Variants in PHTF2 observed in about 807,000 individuals in gnomAD.
PHTF2 encodes the protein protein PHTF2.
PHTF2 carries 60 observed loss-of-function variants against 101.2 expected under a neutral mutation model. The observed-to-expected ratio is 0.59, with a 90% CI of 0.48 to 0.73. The LOEUF is 0.73. Ranked by LOEUF, PHTF2 falls within the 30% of genes least tolerant of loss-of-function variation. The probability of loss-of-function intolerance (pLI) is 0.00; values close to 1 mark genes in which losing one functional copy is unlikely to be tolerated. For synonymous variants in PHTF2, 311 were observed against 307.3 expected (o/e 1.01, Z -0.13); for missense variants, 747 against 908.7 (o/e 0.82, Z 2.29).
chr7:77,908,445 A>T (rs989906527), intron 7 of PHTF2, among the ~76,000 whole-genome samples: 1 of 152,168 alleles, frequency 6.6e-6, no homozygotes, highest in Non-Finnish European at 1.5e-5. Context: ...TTATTTGTAA[A>T]ACAAAGAAAT....
intron 11 of PHTF2, 73 bp downstream of exon 10, chr7:77,922,851 A>C: frequency 7.8e-7 from 1 of 1,286,560 alleles, no homozygotes; most frequent in Non-Finnish European, 1.1e-6. Flanking sequence ...TTCTTTCAAC[A>C]ATTAAAAATT....
At chr7:77,812,852 G>A (rs763068815) in intron 1 of PHTF2, among the ~76,000 whole-genome samples, 4 of 152,146 alleles carry the variant, frequency 2.6e-5, no homozygotes, top group Non-Finnish European at 4.4e-5. Context: ...GCCTCCCAAA[G>A]TGCTGGGATT....
At chr7:77,933,665 A>G (rs1049823359) in intron 12 of PHTF2, among the ~76,000 whole-genome samples, 2 of 147,934 alleles carry the variant, frequency 1.4e-5, no homozygotes, top group South Asian at 2.1e-4. Context: ...CCTGTGAGCT[A>G]TTTTCCCAGA....
At chr7:77,830,248 A>G (rs1418760093) in intron 1 of PHTF2, among the ~76,000 whole-genome samples, 2 of 152,216 alleles carry the variant, frequency 1.3e-5, no homozygotes, top group Non-Finnish European at 2.9e-5. Context: ...CAAGATCCCC[A>G]ATGGAAACCT....
chr7:77,811,674 T>C (rs1384318916), intron 1 of PHTF2, among the ~76,000 whole-genome samples: 2 of 152,352 alleles, frequency 1.3e-5, no homozygotes, highest in East Asian at 3.9e-4. Context: ...AGCATTTTCT[T>C]ACTTTCTGAT....
intron 3 of PHTF2, among the ~76,000 whole-genome samples, chr7:77,856,250 T>C (rs1008935789): frequency 2.0e-5 from 3 of 152,180 alleles, no homozygotes; most frequent in African/African-American, 7.2e-5. Flanking sequence ...GGTTTATAAA[T>C]TGTCAATAAA....
intron 1 of PHTF2, among the ~76,000 whole-genome samples, chr7:77,820,668 G>A (rs1794214243): frequency 6.6e-6 from 1 of 152,162 alleles, no homozygotes; most frequent in Non-Finnish European, 1.5e-5. Flanking sequence ...ATGAGCCACT[G>A]CACTCATCCC....
chr7:77,885,743 C>T (rs1056700820), intron 3 of PHTF2, among the ~76,000 whole-genome samples: 1 of 152,140 alleles, frequency 6.6e-6, no homozygotes. Context: ...CTGTGCCTAG[C>T]CTTATTGTTA....
At chr7:77,947,436 G>T (rs1584792388) in intron 16 of PHTF2, among the ~76,000 whole-genome samples, 1 of 152,088 alleles carries the variant, frequency 6.6e-6, no homozygotes, top group East Asian at 1.9e-4. Context: ...GGTGGTCCAT[G>T]CCTGTAATCC....
At chr7:77,938,588 A>G (rs559131204) in intron 13 of PHTF2, among the ~76,000 whole-genome samples, 3 of 148,178 alleles carry the variant, frequency 2.0e-5, no homozygotes, top group Admixed American at 6.6e-5. Flanking sequence ...AAAATTAGCC[A>G]GGCGTGGTGA....
intron 3 of PHTF2, chr7:77,854,892 T>A (rs1457590370): frequency 2.8e-6 from 2 of 708,250 alleles, no homozygotes; most frequent in Non-Finnish European, 5.2e-6. Context: ...CTCTGGCCCA[T>A]GCTGGGTCCA....
At chr7:77,934,710 G>A (rs546832404) in intron 12 of PHTF2, among the ~76,000 whole-genome samples, 29 of 152,310 alleles carry the variant, frequency 1.9e-4, no homozygotes, top group African/African-American at 6.3e-4. Flanking sequence ...CAGCTTGGGA[G>A]GCCAAGGCGG....
chr7:77,930,705 C>T (rs1000573853), intron 12 of PHTF2, among the ~76,000 whole-genome samples: 1 of 152,194 alleles, frequency 6.6e-6, no homozygotes, highest in African/African-American at 2.4e-5. Flanking sequence ...AGGGTGCCAG[C>T]ATGATTGGTT....
In PHTF2 at chr7:77,940,512, T is replaced by C. The variant is rs771783950; in HGVS notation, c.1741-16T>C. 6.3e-7 allele frequency: 1 copy of C among 1,577,674 alleles called. No homozygotes were observed. Among genetic ancestry groups the C allele is most frequent in the South Asian group, 1.2e-5 (1 of 84,324 alleles). On this transcript the variant is annotated splice_polypyrimidine_tract_variant and intron_variant, in intron 14 of 19. Transcript: ENST00000416283. ...TAATCTACTTGAAAATTAATCCTCA[T>C]CTTAATCTTTTTTAGCGATTACTTT...
At chr7:77,923,245 C>G (rs1407744285) in intron 11 of PHTF2, 8 of 870,488 alleles carry the variant, frequency 9.2e-6, no homozygotes, top group African/African-American at 5.5e-5. Flanking sequence ...TTCTCTAAAC[C>G]CTTTTCAACT....
At chr7:77,906,769 G>A (rs528023452) in intron 7 of PHTF2, among the ~76,000 whole-genome samples, 19 of 152,128 alleles carry the variant, frequency 1.2e-4, no homozygotes, top group Admixed American at 7.9e-4. Flanking sequence ...TTAGCCAAGC[G>A]TGGTGGCGGG....
At chr7:77,842,747 C>T (rs573113090) in intron 2 of PHTF2, among the ~76,000 whole-genome samples, 81 of 152,228 alleles carry the variant, frequency 5.3e-4, no homozygotes, top group African/African-American at 1.8e-3. Flanking sequence ...TACAAAATGT[C>T]GTACAACATT....
intron 11 of PHTF2, among the ~76,000 whole-genome samples, chr7:77,927,193 TATACATACAC>T (rs1467113823): frequency 3.2e-5 from 3 of 93,482 alleles, no homozygotes; most frequent in African/African-American, 6.5e-5. Flanking sequence ...TATATATATA[TATACATACAC>T]ACACACACAC....
At chr7:77,848,942 GCAT>G (rs1281791891) in intron 2 of PHTF2, among the ~76,000 whole-genome samples, 2 of 152,102 alleles carry the variant, frequency 1.3e-5, no homozygotes, top group African/African-American at 4.8e-5. Context: ...AGTTTTCCCA[GCAT>G]CATTTATTGA....
Sources: gnomAD v4.1 joint callset for allele counts (sites outside exome capture counted in the v4.1 genomes callset) on GRCh38, gnomAD v4.1.1 for gene constraint, MANE v1.5 for transcripts, NCBI Gene and HGNC (gene_info 2026-07-23, HGNC 2026-07-21) for gene names.